PTPRD: variants seen among roughly 807,000 people sequenced by gnomAD.
The protein encoded by PTPRD is protein tyrosine phosphatase receptor type D.
In PTPRD, 34 loss-of-function variants were observed where a neutral mutation model predicts 214.5. That is an observed-to-expected ratio of 0.16 (90% CI 0.12 to 0.21). The LOEUF (loss-of-function observed/expected upper bound fraction) is 0.21. Among genes scored for constraint, PTPRD ranks in the 10% least tolerant of loss-of-function variants. The pLI is 1.00. For synonymous variants in PTPRD, 1,128 were observed against 845.7 expected (o/e 1.33, Z -5.79); for missense variants, 2,545 against 2,398.7 (o/e 1.06, Z -1.27).
intron 3 of PTPRD, among the ~76,000 whole-genome samples, chr9:10,321,566 CAG>C (rs1480341617): frequency 6.6e-6 from 1 of 151,950 alleles, no homozygotes; most frequent in African/African-American, 2.4e-5. Context: ...CATTTCAAAT[CAG>C]AGCAATGAAA....
chr9:9,309,852 T>C (rs148109889), intron 9 of PTPRD, among the ~76,000 whole-genome samples: 6 of 152,334 alleles, frequency 3.9e-5, no homozygotes, highest in African/African-American at 1.2e-4. Flanking sequence ...ATAGTGGCTC[T>C]ATTCTTAAGT....
chr9:8,677,704 A>T (rs904601778), intron 12 of PTPRD, among the ~76,000 whole-genome samples: 1 of 152,204 alleles, frequency 6.6e-6, no homozygotes, highest in African/African-American at 2.4e-5. Context: ...TTATTATCAG[A>T]AACCAGCAAG....
intron 10 of PTPRD, among the ~76,000 whole-genome samples, chr9:9,156,130 G>A (rs940290870): frequency 6.6e-6 from 1 of 152,138 alleles, no homozygotes; most frequent in Non-Finnish European, 1.5e-5. Context: ...CAGGCACTAT[G>A]AGAATCAAAT....
chr9:10,455,808 T>A (rs1053798163), intron 2 of PTPRD, among the ~76,000 whole-genome samples: 28 of 151,786 alleles, frequency 1.8e-4, no homozygotes, highest in African/African-American at 6.5e-4. Flanking sequence ...GAAAAAACTA[T>A]TACTCCTACT....
chr9:9,000,881 G>C (rs770140041), intron 11 of PTPRD, among the ~76,000 whole-genome samples: 1 of 151,936 alleles, frequency 6.6e-6, no homozygotes, highest in East Asian at 1.9e-4. Context: ...GGTGGATTTT[G>C]GCCAGAGTAT....
chr9:8,958,182 T>C (rs2099141463), intron 11 of PTPRD, among the ~76,000 whole-genome samples: 1 of 151,906 alleles, frequency 6.6e-6, no homozygotes, highest in Non-Finnish European at 1.5e-5. Context: ...GAATTTGCTC[T>C]CAAAATGGAA....
intron 4 of PTPRD, among the ~76,000 whole-genome samples, chr9:9,963,778 A>C (rs2094506921): frequency 6.6e-6 from 1 of 152,162 alleles, no homozygotes; most frequent in South Asian, 2.1e-4. Flanking sequence ...TATGGCTTCA[A>C]TTTAGTTCCT....
chr9:9,549,643 A>C (rs112134680), intron 8 of PTPRD, among the ~76,000 whole-genome samples: 29 of 152,258 alleles, frequency 1.9e-4, no homozygotes, highest in Non-Finnish European at 4.0e-4. Context: ...AAATTGTCTC[A>C]TACACATGCT....
intron 2 of PTPRD, among the ~76,000 whole-genome samples, chr9:10,383,439 C>A (rs1232426684): frequency 6.6e-6 from 1 of 151,826 alleles, no homozygotes; most frequent in Non-Finnish European, 1.5e-5. Flanking sequence ...GCTTCCTTTG[C>A]TCCTTTCTTC....
intron 2 of PTPRD, among the ~76,000 whole-genome samples, chr9:10,529,322 T>C (rs1278708870): frequency 2.0e-5 from 3 of 152,048 alleles, no homozygotes; most frequent in African/African-American, 7.2e-5. Context: ...ACCAACCCAA[T>C]TGCCCATCAA....
Position 9,440,186 on chromosome 9 carries a change from C to G in PTPRD, c.-236-42704G>C, listed in dbSNP as rs770525287. 1.0e-3 allele frequency among the ~76,000 whole-genome samples: 152 copies of G among 152,144 alleles called. 1 individual carries two copies. The highest frequency in any genetic ancestry group is 1.9e-3 in the Non-Finnish European group (132 of 68,014). ...ATGGAGGATAGAAGTAATGTTATTG[C>G]ATAAATTCCTAAAATTATTACCAAC... On this transcript the variant is annotated intron_variant, in intron 8 of 45. Transcript: ENST00000381196.
intron 5 of PTPRD, among the ~76,000 whole-genome samples, chr9:9,889,397 T>TA (rs902672438): frequency 2.6e-5 from 4 of 152,018 alleles, no homozygotes; most frequent in Non-Finnish European, 4.4e-5. Flanking sequence ...ATTTTTCAAT[T>TA]AAAAAATACA....
chr9:9,728,783 A>G (rs2098135477), intron 7 of PTPRD, among the ~76,000 whole-genome samples: 1 of 152,148 alleles, frequency 6.6e-6, no homozygotes, highest in Non-Finnish European at 1.5e-5. Flanking sequence ...AATGCTGTCC[A>G]TTTTCCTATT....
At chr9:9,572,902 G>C (rs1813186949) in intron 8 of PTPRD, among the ~76,000 whole-genome samples, 1 of 151,504 alleles carries the variant, frequency 6.6e-6, no homozygotes, top group South Asian at 2.1e-4. Flanking sequence ...CGGTGTCAGT[G>C]ACTATAGGGA....
intron 6 of PTPRD, among the ~76,000 whole-genome samples, chr9:9,744,225 A>T (rs80353904): frequency 6.6e-6 from 1 of 152,096 alleles, no homozygotes; most frequent in Non-Finnish European, 1.5e-5. Context: ...AGATTCGTGC[A>T]ATTATCTACA....
intron 3 of PTPRD, among the ~76,000 whole-genome samples, chr9:10,044,335 T>C (rs546784703): frequency 3.3e-5 from 5 of 151,948 alleles, no homozygotes; most frequent in African/African-American, 1.2e-4. Flanking sequence ...AATTTTTCTT[T>C]ATATTTAAAA....
chr9:8,641,810 A>G (rs1475739174), intron 12 of PTPRD, among the ~76,000 whole-genome samples: 5 of 152,184 alleles, frequency 3.3e-5, no homozygotes, highest in Non-Finnish European at 7.3e-5. Flanking sequence ...TTAAAGTCTA[A>G]CCAATGCACA....
Position 10,171,629 on chromosome 9 carries a change from A to C in PTPRD, c.-544-137839T>G, listed in dbSNP as rs186320358. On this transcript the variant is annotated intron_variant, in intron 3 of 45. Coordinates refer to ENST00000381196, the MANE Select transcript of PTPRD (RefSeq NM_002839.4). ...GAGCTCCGCCTCCCGGGTTCACGCC[A>C]TTCTCCTGCCTCAGCCTCCTGAGTA... is the stretch of plus-strand genomic sequence containing the variant. Among the ~76,000 whole-genome samples, 1,390 of 152,108 alleles carry C rather than the reference A, an allele frequency of 9.1e-3. 6 individuals carry two copies. Among genetic ancestry groups the C allele is most frequent in the Non-Finnish European group, 0.014 (970 of 67,962 alleles).
intron 2 of PTPRD, among the ~76,000 whole-genome samples, chr9:10,351,681 G>C (rs1260995437): frequency 6.8e-6 from 1 of 146,294 alleles, no homozygotes; most frequent in African/African-American, 2.5e-5. Context: ...TTTTTTTAAT[G>C]ACAGAGAGGG....
Sources: gnomAD v4.1 joint callset for allele counts (sites outside exome capture counted in the v4.1 genomes callset) on GRCh38, gnomAD v4.1.1 for gene constraint, MANE v1.5 for transcripts, NCBI Gene and HGNC (gene_info 2026-07-23, HGNC 2026-07-21) for gene names.